TMEM131: variants seen among roughly 807,000 people sequenced by gnomAD.
TMEM131 encodes 2610524E03Rik.
A neutral mutation model predicts 211.6 loss-of-function variants in TMEM131; 66 were observed. The ratio of observed to expected loss-of-function variants is 0.31; its 90% CI spans 0.26 to 0.38. The LOEUF is 0.38. Among genes scored for constraint, TMEM131 ranks in the 10% least tolerant of loss-of-function variants. The pLI, the probability that TMEM131 is intolerant of heterozygous loss-of-function variation, is 1.00. For synonymous variants in TMEM131, 844 were observed against 841.3 expected, an observed-to-expected ratio of 1.00 and a Z score of -0.06; for missense variants, 2,036 against 2,299.3, an observed-to-expected ratio of 0.89 and a Z score of 2.34.
At chr2:97,983,334 A>G (rs1052560854) in intron 1 of TMEM131, among the ~76,000 whole-genome samples, 8 of 152,118 alleles carry the variant, frequency 5.3e-5, no homozygotes, top group Admixed American at 6.5e-5. Context: ...AGGAGGGTAT[A>G]ATGAGACATG....
At chr2:97,903,397 T>A (rs528389585) in intron 3 of TMEM131, among the ~76,000 whole-genome samples, 1 of 152,168 alleles carries the variant, frequency 6.6e-6, no homozygotes, top group African/African-American at 2.4e-5. Flanking sequence ...TTAAGTGTGA[T>A]AGAATTTTTA....
chr2:97,804,621 CAAAAA>C (rs71386034), intron 22 of TMEM131, among the ~76,000 whole-genome samples: 5 of 71,912 alleles, frequency 7.0e-5, no homozygotes, highest in South Asian at 5.8e-4. Context: ...GACTCCGTCT[CAAAAA>C]AAAAAAAAAA....
chr2:97,766,558 C>T lies in TMEM131; in HGVS notation c.4493G>A (p.Arg1498His), dbSNP rs776573726. 5.6e-6 allele frequency: 9 copies of T among 1,613,826 alleles called. No individual in the cohort carries two copies. Among genetic ancestry groups the T allele is most frequent in the South Asian group, 1.1e-5 (1 of 91,090 alleles). The change falls in exon 34 of 41, where the codon CGT becomes CAT. Residue 1498 changes from arginine to histidine, a missense_variant. By Grantham distance (29) the Arg-to-His change is conservative. Transcript: ENST00000186436. ...AGGAATCTTGCTTGGGAGATTTCTA[C>T]GTTGCTTACTTTCCAAAGGGGGAGT... ...PYTPPLESKQ[R>H]RNLPSKIPLP...
At chr2:97,829,354 G>C (rs767430632) in intron 11 of TMEM131, among the ~76,000 whole-genome samples, 2 of 152,072 alleles carry the variant, frequency 1.3e-5, no homozygotes, top group Admixed American at 6.5e-5. Context: ...CTAAAGGATT[G>C]TAAATGCACC....
intron 1 of TMEM131, among the ~76,000 whole-genome samples, chr2:97,988,273 T>A (rs889090553): frequency 6.6e-6 from 1 of 152,166 alleles, no homozygotes; most frequent in African/African-American, 2.4e-5. Context: ...AGAATAGAGT[T>A]ATACCCTTTA....
At chr2:97,887,392 T>C (rs576125936) in intron 4 of TMEM131, among the ~76,000 whole-genome samples, 1 of 152,214 alleles carries the variant, frequency 6.6e-6, no homozygotes, top group Admixed American at 6.5e-5. Flanking sequence ...TTTCAGGCCC[T>C]GATTTCAGGT....
chr2:97,814,055 G>A lies in TMEM131; in HGVS notation c.1533C>T (p.Ser511=). 6.2e-7 allele frequency: 1 copy of A among 1,602,072 alleles called. No homozygotes were observed. Among genetic ancestry groups the A allele is most frequent in the Non-Finnish European group, 8.5e-7 (1 of 1,173,224 alleles). The part of the protein sequence containing the change: ...FTLLFMPSTS[S]MHIDNNILLI... The stretch of plus-strand genomic sequence containing the variant: ...GTAAAATGTTGTTATCAATGTGCAT[G>A]GATGATGTGGAAGGCATAAAAAGCA... The change falls in exon 15 of 41, where the codon TCC becomes TCT. Residue 511 remains serine (S), a synonymous_variant. Transcript: ENST00000186436.
chr2:97,965,354 G>C (rs1679009103), intron 1 of TMEM131, among the ~76,000 whole-genome samples: 2 of 152,160 alleles, frequency 1.3e-5, no homozygotes, highest in Admixed American at 6.5e-5. Context: ...CAATAAATTG[G>C]GTGGAGGCTG....
chr2:97,911,176 G>C (rs968188688), intron 2 of TMEM131, among the ~76,000 whole-genome samples: 1 of 152,140 alleles, frequency 6.6e-6, no homozygotes, highest in Non-Finnish European at 1.5e-5. Context: ...TATGCTGAGT[G>C]GAACAACCCA....
intron 1 of TMEM131, among the ~76,000 whole-genome samples, chr2:97,989,780 T>TTA (rs1262557528): frequency 6.6e-6 from 1 of 152,170 alleles, no homozygotes; most frequent in East Asian, 1.9e-4. Flanking sequence ...TGGCAAAGGC[T>TTA]TTCTAGAAAC....
At chr2:97,908,007 A>T (rs1676142956) in intron 3 of TMEM131, among the ~76,000 whole-genome samples, 1 of 152,140 alleles carries the variant, frequency 6.6e-6, no homozygotes, top group African/African-American at 2.4e-5. Flanking sequence ...GTTTTATCCA[A>T]CTCAAAGAAA....
Position 97,814,118 on chromosome 2 carries a change from G to C in TMEM131, c.1470C>G (p.Val490=), listed in dbSNP as rs779072454. The change falls in exon 15 of 41, where the codon GTC becomes GTG. Residue 490 remains valine, a synonymous_variant. Transcript: ENST00000186436. ...MFKVHNFSKP[V]LILPNESGYI... ...ATCCTGATTCATTAGGAAGAATTAA[G>C]ACTGGTTTGCTGAAGTTGTGAACCT... The C allele has an allele frequency of 6.2e-7, 1 of 1,610,992 alleles. No individual in the cohort carries two copies. Among genetic ancestry groups the C allele is most frequent in the Admixed American group, 1.7e-5 (1 of 59,468 alleles).
chr2:97,892,634 A>G (rs560284020), intron 3 of TMEM131, among the ~76,000 whole-genome samples: 3 of 152,314 alleles, frequency 2.0e-5, no homozygotes, highest in Non-Finnish European at 2.9e-5. Context: ...AAGTGTTAGA[A>G]TTATAGGCGT....
chr2:97,983,117 C>T lies in TMEM131; in HGVS notation c.187+12359G>A, dbSNP rs113744077. Among the ~76,000 whole-genome samples, 481 of 151,796 alleles carry T rather than the reference C, an allele frequency of 3.2e-3. 2 individuals are homozygous for T. The highest frequency in any genetic ancestry group is 5.0e-3 in the Non-Finnish European group (338 of 67,882). Reference sequence around the variant, plus strand: ...CCTTTGCTCACTAGAAGCAGGGAGCCCTTTCATTCTTTTCTTCTCTCTTCT... The same window carrying T: ...CCTTTGCTCACTAGAAGCAGGGAGCTCTTTCATTCTTTTCTTCTCTCTTCT... On this transcript the variant is annotated intron_variant, in intron 1 of 40. Coordinates refer to ENST00000186436, the MANE Select transcript of TMEM131 (RefSeq NM_015348.2).
rs553560145 is a variant in TMEM131 at position 97,945,467 on chromosome 2, A to G, written c.188-17980T>C. Among the ~76,000 whole-genome samples the G allele has an allele frequency of 5.9e-5, 9 of 152,302 alleles. No homozygotes were observed. The East Asian group carries it at 1.5e-3, about 26-fold the overall frequency. Reference sequence around the variant, plus strand: ...GTATGATATGAGAAATTGTATCTCAATATTTTAAAAGTCAACAACAGCAAA... The same window carrying G: ...GTATGATATGAGAAATTGTATCTCAGTATTTTAAAAGTCAACAACAGCAAA... On this transcript the variant is annotated intron_variant, in intron 1 of 40. Transcript: ENST00000186436.
At chr2:97,823,953 C>T (rs968457946) in intron 11 of TMEM131, among the ~76,000 whole-genome samples, 5 of 152,058 alleles carry the variant, frequency 3.3e-5, no homozygotes, top group Non-Finnish European at 4.4e-5. Context: ...CTGGCAACCT[C>T]GGTGTTCTAT....
At chr2:97,973,714 G>T (rs938511459) in intron 1 of TMEM131, among the ~76,000 whole-genome samples, 1 of 152,120 alleles carries the variant, frequency 6.6e-6, no homozygotes, top group African/African-American at 2.4e-5. Flanking sequence ...GTCAGAAACA[G>T]TACCTATTTA....
chr2:97,848,521 T>C (rs1683551194), intron 5 of TMEM131, among the ~76,000 whole-genome samples: 1 of 152,234 alleles, frequency 6.6e-6, no homozygotes. Context: ...TCTACATTAC[T>C]TGTAATACTT....
chr2:97,762,012 C>A, intron 36 of TMEM131, 23 bp downstream of exon 36: 1 of 1,532,760 alleles, frequency 6.5e-7, no homozygotes, highest in Non-Finnish European at 8.7e-7. Flanking sequence ...AGCTGAGAAC[C>A]GGAAAGGAAG....
Sources: gnomAD v4.1 joint callset for allele counts (sites outside exome capture counted in the v4.1 genomes callset) on GRCh38, gnomAD v4.1.1 for gene constraint, MANE v1.5 for transcripts, NCBI Gene and HGNC (gene_info 2026-07-23, HGNC 2026-07-21) for gene names.